Variants in SHOC2 observed in about 807,000 individuals in gnomAD.
The protein encoded by SHOC2 is SHOC2 leucine rich repeat scaffold protein.
SHOC2 carries 4 observed loss-of-function variants against 50.2 expected under a neutral mutation model. That is an observed-to-expected ratio of 0.08 (90% CI 0.04 to 0.18). The LOEUF is 0.18. Ranked by LOEUF, SHOC2 falls within the 10% of genes least tolerant of loss-of-function variation. SHOC2 has a pLI of 1.00. For synonymous variants in SHOC2, 218 were observed against 244.5 expected, an observed-to-expected ratio of 0.89 and a Z score of 1.01; for missense variants, 388 against 669.6, an observed-to-expected ratio of 0.58 and a Z score of 4.64.
chr10:111,011,568 G>A, intron 8 of SHOC2, 42 bp from the exon 9 acceptor site: 6 of 1,422,910 alleles, frequency 4.2e-6, no homozygotes, highest in South Asian at 1.2e-5. Context: ...TTTTAAAATA[G>A]CAACTAATTT....
At chr10:110,986,167 T>A (rs1217966427) in intron 3 of SHOC2, among the ~76,000 whole-genome samples, 1 of 152,210 alleles carries the variant, frequency 6.6e-6, no homozygotes, top group Non-Finnish European at 1.5e-5. Context: ...ACATGGCCAA[T>A]ATACTTTAAA....
intron 5 of SHOC2, among the ~76,000 whole-genome samples, chr10:111,006,941 T>A (rs1848479549): frequency 6.6e-6 from 1 of 152,256 alleles, no homozygotes; most frequent in East Asian, 1.9e-4. Flanking sequence ...CCATATTTAC[T>A]GTTTCCTCTG....
rs11195385 is a variant in SHOC2 at position 110,944,293 on chromosome 10, T to A, written c.-234-19832T>A. Among the ~76,000 whole-genome samples, 40 of 152,162 alleles carry A rather than the reference T, an allele frequency of 2.6e-4. No homozygotes were observed. In the East Asian group the frequency reaches 7.0e-3, roughly 26 times the overall value. ...CATTTTACCATTATCCAGTGAAAAT[T>A]TATGGATTCTACCTTTATGTGTGCT... On this transcript the variant is annotated intron_variant, in intron 1 of 8. Transcript: ENST00000369452.
rs1300537933 is a variant in SHOC2, at chr10:110,985,694, T to C, written c.770T>C (p.Ile257Thr). 12 of 1,612,444 alleles carry C rather than the reference T, an allele frequency of 7.4e-6. No homozygotes were observed. Among genetic ancestry groups the C allele is most frequent in the African/African-American group, 4.0e-5 (3 of 74,542 alleles). ...HNQLEHLPKEIGNCTQITNLD... is the reference protein window; with the variant it reads ...HNQLEHLPKETGNCTQITNLD... ...CAACTTGAACACCTTCCAAAGGAGATTGGAAACTGTACACAGATAACCAAC... is the reference window on the plus strand; with the variant it reads ...CAACTTGAACACCTTCCAAAGGAGACTGGAAACTGTACACAGATAACCAAC... Residue 257 changes from isoleucine to threonine, a missense_variant, in exon 3 of 9, where the codon ATT becomes ACT. Around this residue, in one of 5 missense-constraint regions of SHOC2, gnomAD observed 88 missense variants for 147.2 expected, o/e 0.60. Coordinates refer to ENST00000369452, the MANE Select transcript of SHOC2 (RefSeq NM_007373.4).
chr10:110,929,055 T>C (rs1326042824), intron 1 of SHOC2, among the ~76,000 whole-genome samples: 1 of 152,230 alleles, frequency 6.6e-6, no homozygotes, highest in Non-Finnish European at 1.5e-5. Context: ...ATAACAACAA[T>C]GATCCTGTGC....
intron 1 of SHOC2, among the ~76,000 whole-genome samples, chr10:110,943,014 G>A (rs1220113860): frequency 1.3e-5 from 2 of 152,112 alleles, no homozygotes; most frequent in African/African-American, 2.4e-5. Context: ...CTAAGATGAA[G>A]AATTCTTTCT....
intron 5 of SHOC2, 21 bp from the exon 6 acceptor site, chr10:111,007,510 G>A (rs1449810046): frequency 1.2e-6 from 2 of 1,612,966 alleles, no homozygotes; most frequent in Non-Finnish European, 1.7e-6. Context: ...TACCTTGGAT[G>A]CTTCTTTTTG....
Position 111,000,565 on chromosome 10 carries a change from AAAC to A in SHOC2, c.972+23_972+25del, listed in dbSNP as rs1156668113. 1.3e-6 allele frequency: 2 copies of A among 1,599,840 alleles called. No individual in the cohort carries two copies. Among genetic ancestry groups the A allele is most frequent in the Non-Finnish European group, 1.7e-6 (2 of 1,169,146 alleles). ...CCAGAGGTAAGAAGTGGATTAGAGA[AAAC>A]AAGATTTGAAATGAGTCTGCAAGAT... On this transcript the variant is annotated intron_variant, in intron 4 of 8. Transcript: ENST00000369452.
intron 1 of SHOC2, among the ~76,000 whole-genome samples, chr10:110,957,621 A>T (rs1482139017): frequency 1.4e-5 from 2 of 146,418 alleles, no homozygotes; most frequent in African/African-American, 5.1e-5. Context: ...CTAATGGCTT[A>T]TTAGGTTCAC....
At chr10:110,959,814 C>T (rs1847538844) in intron 1 of SHOC2, among the ~76,000 whole-genome samples, 1 of 152,180 alleles carries the variant, frequency 6.6e-6, no homozygotes, top group Non-Finnish European at 1.5e-5. Flanking sequence ...TTTCTGCCTT[C>T]CTTCTGAAGT....
At chr10:110,980,212 A>C (rs1847949647) in intron 2 of SHOC2, among the ~76,000 whole-genome samples, 2 of 144,354 alleles carry the variant, frequency 1.4e-5, no homozygotes, top group African/African-American at 5.2e-5. Context: ...GCTGGAGTGC[A>C]GTGGCGCAGT....
intron 1 of SHOC2, among the ~76,000 whole-genome samples, chr10:110,930,735 C>CTTTTTTTTTTTTTTTTTTTTTT (rs772553111): frequency 2.1e-5 from 2 of 96,810 alleles, no homozygotes; most frequent in African/African-American, 3.4e-5. Flanking sequence ...ACGAGTAAAT[C>CTTTTTTTTTTTTTTTTTTTTTT]TTTTTTTTTT....
At chr10:110,948,780 G>C (rs1024098314) in intron 1 of SHOC2, among the ~76,000 whole-genome samples, 13 of 152,160 alleles carry the variant, frequency 8.5e-5, no homozygotes, top group African/African-American at 3.1e-4. Flanking sequence ...AAGGAAAAAA[G>C]AAGATAATCA....
intron 2 of SHOC2, among the ~76,000 whole-genome samples, chr10:110,981,540 T>A (rs892858587): frequency 2.0e-5 from 3 of 152,226 alleles, no homozygotes; most frequent in African/African-American, 7.2e-5. Context: ...GACTTCAAAA[T>A]TTTTTATGTG....
chr10:110,983,753 A>G (rs1848027894), intron 2 of SHOC2, among the ~76,000 whole-genome samples: 1 of 152,128 alleles, frequency 6.6e-6, no homozygotes, highest in Non-Finnish European at 1.5e-5. Flanking sequence ...GGTACCTCAT[A>G]TAAGAGGGAT....
chr10:110,998,398 GGAATT>G (rs1377338192), intron 3 of SHOC2, among the ~76,000 whole-genome samples: 1 of 151,754 alleles, frequency 6.6e-6, no homozygotes, highest in Non-Finnish European at 1.5e-5. Context: ...TTTCTCCTGA[GGAATT>G]GACACGTCTC....
chr10:110,958,467 C>T (rs1234240205), intron 1 of SHOC2, among the ~76,000 whole-genome samples: 1 of 152,152 alleles, frequency 6.6e-6, no homozygotes, highest in African/African-American at 2.4e-5. Context: ...CTGCCTCAGC[C>T]TCCCAAGATG....
intron 5 of SHOC2, among the ~76,000 whole-genome samples, chr10:111,005,770 C>T (rs1372366054): frequency 1.3e-5 from 2 of 152,122 alleles, no homozygotes; most frequent in Non-Finnish European, 1.5e-5. Flanking sequence ...ACTGGACAAA[C>T]TTTAGGCCCA....
chr10:110,940,587 A>T (rs1342410003), intron 1 of SHOC2, among the ~76,000 whole-genome samples: 1 of 152,204 alleles, frequency 6.6e-6, no homozygotes, highest in Non-Finnish European at 1.5e-5. Context: ...TTAACAAATT[A>T]TTCAGGTGCT....
Sources: gnomAD v4.1 joint callset for allele counts (sites outside exome capture counted in the v4.1 genomes callset) on GRCh38, gnomAD v4.1.1 for gene constraint, gnomAD v4.1.1 regional missense constraint, MANE v1.5 for transcripts, NCBI Gene and HGNC (gene_info 2026-07-23, HGNC 2026-07-21) for gene names.